Variants in CADM2 observed in about 807,000 individuals in gnomAD.
CADM2 encodes immunoglobulin superfamily member 4D.
CADM2 carries 12 observed loss-of-function variants against 49.8 expected under a neutral mutation model. The ratio of observed to expected loss-of-function variants is 0.24; its 90% CI spans 0.15 to 0.39. The LOEUF is 0.39. CADM2 is among the 10% of genes least tolerant of loss of function. CADM2 has a pLI of 1.00. For synonymous variants in CADM2, 214 were observed against 175.4 expected, an observed-to-expected ratio of 1.22 and a Z score of -1.74; for missense variants, 378 against 492.3, an observed-to-expected ratio of 0.77 and a Z score of 2.20.
At chr3:84,971,796 G>C (rs2031459773) in intron 1 of CADM2, among the ~76,000 whole-genome samples, 1 of 151,978 alleles carries the variant, frequency 6.6e-6, no homozygotes, top group Admixed American at 6.6e-5. Flanking sequence ...CTAACTATAA[G>C]GTAAAAGTAA....
chr3:85,285,014 T>C (rs1576280184), intron 1 of CADM2, among the ~76,000 whole-genome samples: 1 of 152,178 alleles, frequency 6.6e-6, no homozygotes, highest in East Asian at 1.9e-4. Context: ...AGCACTTTGA[T>C]GGGATAGCAG....
intron 1 of CADM2, among the ~76,000 whole-genome samples, chr3:85,642,269 T>C (rs1283483194): frequency 5.9e-5 from 9 of 152,014 alleles, no homozygotes; most frequent in Non-Finnish European, 1.3e-4. Flanking sequence ...TAAAACCAAA[T>C]TTGACACGAT....
At chr3:85,562,262 C>A (rs898529832) in intron 1 of CADM2, among the ~76,000 whole-genome samples, 5 of 151,880 alleles carry the variant, frequency 3.3e-5, no homozygotes, top group Non-Finnish European at 4.4e-5. Context: ...GGCGGATCAC[C>A]TGAGGTCGGG....
chr3:85,794,818 G>A (rs150975587), intron 2 of CADM2, among the ~76,000 whole-genome samples: 20 of 151,962 alleles, frequency 1.3e-4, no homozygotes, highest in Middle Eastern at 3.4e-3. Flanking sequence ...ATTACTTTGC[G>A]GACTCCTTAG....
chr3:85,379,902 C>T (rs1472757873), intron 1 of CADM2, among the ~76,000 whole-genome samples: 1 of 151,976 alleles, frequency 6.6e-6, no homozygotes, highest in East Asian at 1.9e-4. Flanking sequence ...TTTCCTCTGA[C>T]CCAGCTTATT....
rs548259199 is a variant in CADM2 at position 85,139,089 on chromosome 3, A to G, written c.61+179421A>G. Among the ~76,000 whole-genome samples, 39 of 152,280 alleles carry G rather than the reference A, an allele frequency of 2.6e-4. 1 individual carries two copies. The South Asian group carries it at 8.1e-3, about 32-fold the overall frequency. ...GCAGTTATCTGTGTGGCTGTATACA[A>G]GGGTCAAGCACAAGACACAGACTCA... On this transcript the variant is annotated intron_variant, in intron 1 of 9. Transcript: ENST00000383699.
chr3:85,353,785 A>T (rs906348030), intron 1 of CADM2, among the ~76,000 whole-genome samples: 6 of 151,982 alleles, frequency 3.9e-5, no homozygotes, highest in African/African-American at 1.4e-4. Flanking sequence ...ATGCACCTAA[A>T]ATTAGTGAAG....
At chr3:85,488,018 T>A (rs1247346570) in intron 1 of CADM2, among the ~76,000 whole-genome samples, 1 of 152,206 alleles carries the variant, frequency 6.6e-6, no homozygotes, top group Admixed American at 6.5e-5. Context: ...AGAAAGATAT[T>A]ACCCAGAATA....
chr3:85,791,974 C>T (rs771657302), intron 2 of CADM2, among the ~76,000 whole-genome samples: 3 of 152,124 alleles, frequency 2.0e-5, no homozygotes, highest in African/African-American at 7.2e-5. Context: ...CCGCCCACCT[C>T]GGCCTCCCAA....
At chr3:85,895,945 G>T (rs765294297) in intron 5 of CADM2, among the ~76,000 whole-genome samples, 4 of 152,012 alleles carry the variant, frequency 2.6e-5, no homozygotes, top group Non-Finnish European at 4.4e-5. Flanking sequence ...CAGCCTTGGG[G>T]GTGTCTTTAT....
At position 85,118,008 on chromosome 3, in the gene CADM2, T is replaced by C. The variant is rs567178792; in HGVS notation, c.61+158340T>C. ...CATTGAAGTTTTTAAAAATCTTTGC[T>C]TCTCTAAACTGCTAGTTTCTTCTGT... On this transcript the variant is annotated intron_variant, in intron 1 of 9. Transcript: ENST00000383699. 2.8e-3 allele frequency among the ~76,000 whole-genome samples: 427 copies of C among 152,274 alleles called. 2 individuals carry two copies. Among genetic ancestry groups the C allele is most frequent in the African/African-American group, 9.8e-3 (409 of 41,584 alleles).
intron 1 of CADM2, among the ~76,000 whole-genome samples, chr3:85,113,762 C>T (rs150506065): frequency 0.017 from 2,447 of 148,228 alleles, 33 homozygotes; most frequent in South Asian, 0.028. Context: ...CCAGTACATA[C>T]TATTGTGGAA....
intron 2 of CADM2, among the ~76,000 whole-genome samples, chr3:85,732,167 A>C (rs2107798618): frequency 6.6e-6 from 1 of 151,506 alleles, no homozygotes; most frequent in Non-Finnish European, 1.5e-5. Context: ...AGGCTGAGGC[A>C]GGAGAATCAC....
At chr3:85,078,339 A>G (rs570451368) in intron 1 of CADM2, among the ~76,000 whole-genome samples, 15 of 152,016 alleles carry the variant, frequency 9.9e-5, no homozygotes, top group African/African-American at 3.6e-4. Flanking sequence ...ACATTAATAT[A>G]AATAAACTGT....
intron 1 of CADM2, among the ~76,000 whole-genome samples, chr3:85,030,916 T>C (rs2034947138): frequency 6.6e-6 from 1 of 150,524 alleles, no homozygotes; most frequent in South Asian, 2.1e-4. Flanking sequence ...TTAGTTTAAC[T>C]TGAGTGGAAT....
chr3:85,688,783 G>T (rs2066292384), intron 1 of CADM2, among the ~76,000 whole-genome samples: 1 of 151,966 alleles, frequency 6.6e-6, no homozygotes, highest in South Asian at 2.1e-4. Flanking sequence ...GGCCAGCCTG[G>T]TTTCGAACTT....
chr3:85,922,162 T>C (rs1719203828), intron 6 of CADM2, among the ~76,000 whole-genome samples: 2 of 151,908 alleles, frequency 1.3e-5, no homozygotes, highest in South Asian at 4.1e-4. Context: ...TTATTCTTTC[T>C]CCTTTCTTCC....
intron 1 of CADM2, among the ~76,000 whole-genome samples, chr3:85,396,200 G>A (rs188006396): frequency 1.5e-3 from 224 of 151,548 alleles, no homozygotes; most frequent in African/African-American, 5.1e-3. Context: ...TTATTTCATC[G>A]GTAAATGTAG....
In CADM2 at chr3:85,782,796, G is replaced by A. The variant is rs536376111; in HGVS notation, c.89-19251G>A. 2.6e-5 allele frequency among the ~76,000 whole-genome samples: 4 copies of A among 152,176 alleles called. No homozygotes were observed. The South Asian group carries it at 8.3e-4, about 32-fold the overall frequency. On this transcript the variant is annotated intron_variant, in intron 2 of 9. Transcript: ENST00000383699. ...ACAGAACTTTAGAATACTGAATTTGGATACAGGTAATAAAACCAAGTCTTA... is the reference window on the plus strand; with the variant it reads ...ACAGAACTTTAGAATACTGAATTTGAATACAGGTAATAAAACCAAGTCTTA...
Sources: gnomAD v4.1 joint callset for allele counts (sites outside exome capture counted in the v4.1 genomes callset) on GRCh38, gnomAD v4.1.1 for gene constraint, MANE v1.5 for transcripts, NCBI Gene and HGNC (gene_info 2026-07-23, HGNC 2026-07-21) for gene names.